The following MECOM variants were observed in gnomAD, a reference collection of about 807,000 sequenced individuals.
MECOM encodes the protein MDS1 and EVI1 complex locus, also known as histone-lysine N-methyltransferase MECOM.
Under a neutral mutation model 116.3 loss-of-function variants are expected in MECOM, and 13 were observed. That is an observed-to-expected ratio of 0.11 (90% CI 0.07 to 0.18). The LOEUF is 0.18. MECOM is among the 10% of genes least tolerant of loss of function. The pLI is 1.00. For missense variants in MECOM, 1,299 were observed against 1,509.0 expected (o/e 0.86, Z 2.31); for synonymous variants, 528 against 535.2 (o/e 0.99, Z 0.19).
At chr3:169,441,505 T>C (rs1363811472) in intron 1 of MECOM, among the ~76,000 whole-genome samples, 2 of 152,094 alleles carry the variant, frequency 1.3e-5, no homozygotes, top group African/African-American at 2.4e-5. Context: ...AGAAAGACTA[T>C]AGGAGACAGA....
At chr3:169,518,731 T>C (rs1342016975) in intron 1 of MECOM, among the ~76,000 whole-genome samples, 7 of 152,132 alleles carry the variant, frequency 4.6e-5, no homozygotes, top group Non-Finnish European at 5.9e-5. Context: ...ACAATTCCCA[T>C]GTGTCATGGG....
At chr3:169,135,511 A>C (rs1225960520) in intron 3 of MECOM, among the ~76,000 whole-genome samples, 4 of 151,932 alleles carry the variant, frequency 2.6e-5, no homozygotes, top group Non-Finnish European at 5.9e-5. Flanking sequence ...AAAATAGATT[A>C]TATGGAAATT....
At chr3:169,309,483 C>A (rs894553541) in intron 2 of MECOM, among the ~76,000 whole-genome samples, 1 of 152,158 alleles carries the variant, frequency 6.6e-6, no homozygotes, top group Non-Finnish European at 1.5e-5. Context: ...ATCTGGAAAT[C>A]AATGACAATT....
At chr3:169,436,991 A>G (rs1470608647) in intron 1 of MECOM, among the ~76,000 whole-genome samples, 1 of 152,216 alleles carries the variant, frequency 6.6e-6, no homozygotes, top group Non-Finnish European at 1.5e-5. Context: ...AGAAAAAATT[A>G]TGAAGAAGTT....
At chr3:169,450,752 G>A (rs990404065) in intron 1 of MECOM, among the ~76,000 whole-genome samples, 13 of 152,074 alleles carry the variant, frequency 8.5e-5, no homozygotes, top group East Asian at 1.9e-4. Flanking sequence ...TTCCTTACAC[G>A]TACATACCAC....
intron 3 of MECOM, among the ~76,000 whole-genome samples, chr3:169,135,718 T>G (rs554313519): frequency 6.6e-6 from 1 of 152,054 alleles, no homozygotes; most frequent in East Asian, 1.9e-4. Flanking sequence ...CCCAGTATCT[T>G]GCTAGACTCT....
At chr3:169,256,788 G>T (rs919360859) in intron 2 of MECOM, among the ~76,000 whole-genome samples, 1 of 152,198 alleles carries the variant, frequency 6.6e-6, no homozygotes, top group Non-Finnish European at 1.5e-5. Context: ...CTAGCTCCCT[G>T]CTCCTACCTT....
chr3:169,590,805 A>G (rs10513677), intron 1 of MECOM, among the ~76,000 whole-genome samples: 18,755 of 152,238 alleles, frequency 0.12, 1,222 homozygotes, highest in Middle Eastern at 0.19. Context: ...ACAAGTATTA[A>G]ACTGGAAGTG....
chr3:169,269,945 A>G (rs1325372531), intron 2 of MECOM, among the ~76,000 whole-genome samples: 2 of 150,898 alleles, frequency 1.3e-5, no homozygotes, highest in African/African-American at 5.0e-5. Flanking sequence ...TTAGCTTTCT[A>G]ACAGCTGCAT....
At chr3:169,582,478 A>C (rs930132155) in intron 1 of MECOM, among the ~76,000 whole-genome samples, 5 of 152,118 alleles carry the variant, frequency 3.3e-5, no homozygotes, top group Admixed American at 3.3e-4. Context: ...AATAGAAGAA[A>C]ATTTTTAAAG....
intron 1 of MECOM, among the ~76,000 whole-genome samples, chr3:169,389,272 T>C (rs16853628): frequency 0.02 from 3,067 of 152,352 alleles, 89 homozygotes; most frequent in African/African-American, 0.069. Context: ...AGAAAATTCA[T>C]ACTTGAGGTA....
intron 2 of MECOM, among the ~76,000 whole-genome samples, chr3:169,323,855 T>C (rs1721337343): frequency 6.6e-6 from 1 of 152,192 alleles, no homozygotes; most frequent in Non-Finnish European, 1.5e-5. Flanking sequence ...GGTTTGACAG[T>C]AATCTGTGCA....
chr3:169,473,338 C>A (rs1410026359), intron 1 of MECOM, among the ~76,000 whole-genome samples: 17 of 152,076 alleles, frequency 1.1e-4, no homozygotes, highest in African/African-American at 3.9e-4. Flanking sequence ...AGGTTCCCAG[C>A]CACTGAAAAA....
intron 2 of MECOM, among the ~76,000 whole-genome samples, chr3:169,288,349 A>C (rs958767669): frequency 6.6e-6 from 1 of 151,268 alleles, no homozygotes; most frequent in African/African-American, 2.5e-5. Flanking sequence ...TTGCTACAAC[A>C]TAAAGAGTAT....
At chr3:169,174,821 T>C (rs964932447) in intron 2 of MECOM, among the ~76,000 whole-genome samples, 1 of 152,168 alleles carries the variant, frequency 6.6e-6, no homozygotes, top group Admixed American at 6.5e-5. Flanking sequence ...TAGGGATTTA[T>C]GCCACCATCT....
chr3:169,167,067 C>G (rs1379049093), intron 2 of MECOM, among the ~76,000 whole-genome samples: 1 of 152,090 alleles, frequency 6.6e-6, no homozygotes, highest in Non-Finnish European at 1.5e-5. Context: ...CTTAACTTTC[C>G]AGGCTCAAGC....
intron 1 of MECOM, among the ~76,000 whole-genome samples, chr3:169,461,181 C>T (rs1747378149): frequency 6.6e-6 from 1 of 152,112 alleles, no homozygotes; most frequent in Non-Finnish European, 1.5e-5. Flanking sequence ...ACTTGCGCCA[C>T]CCCTACTCTC....
chr3:169,324,603 C>T (rs1012841588), intron 2 of MECOM, among the ~76,000 whole-genome samples: 4 of 152,218 alleles, frequency 2.6e-5, no homozygotes, highest in African/African-American at 9.6e-5. Context: ...GTGCCAAAGT[C>T]CCAGCTAATG....
At chr3:169,140,575 C>A (rs1484027494) in intron 3 of MECOM, among the ~76,000 whole-genome samples, 1 of 151,428 alleles carries the variant, frequency 6.6e-6, no homozygotes, top group African/African-American at 2.4e-5. Context: ...AACATCACTG[C>A]AATAATTTTG....
Sources: allele counts gnomAD v4.1 joint callset (sites outside exome capture counted in the v4.1 genomes callset), GRCh38; gene constraint gnomAD v4.1.1; transcripts MANE v1.5; gene names NCBI Gene and HGNC (gene_info 2026-07-23, HGNC 2026-07-21).